Variants in FSIP1 observed in about 807,000 individuals in gnomAD.
FSIP1 encodes fibrous sheath interacting protein 1.
Under a neutral mutation model 60.9 loss-of-function variants are expected in FSIP1, and 65 were observed. The ratio of observed to expected loss-of-function variants is 1.07; its 90% confidence interval spans 0.87 to 1.31. FSIP1 has a LOEUF of 1.31. FSIP1 is among the 40% of genes most tolerant of loss of function. The pLI is 0.00. For missense variants in FSIP1, 675 were observed against 665.5 expected, an observed-to-expected ratio of 1.01 and a Z score of -0.16; for synonymous variants, 209 against 221.2, an observed-to-expected ratio of 0.94 and a Z score of 0.49.
At chr15:39,651,948 T>A (rs1204600096) in intron 10 of FSIP1, among the ~76,000 whole-genome samples, 1 of 152,198 alleles carries the variant, frequency 6.6e-6, no homozygotes, top group African/African-American at 2.4e-5. Context: ...TAAGATGAAA[T>A]TAGACAAAGC....
intron 10 of FSIP1, among the ~76,000 whole-genome samples, chr15:39,635,176 A>G (rs1449035048): frequency 1.3e-5 from 2 of 152,172 alleles, no homozygotes; most frequent in Non-Finnish European, 2.9e-5. Context: ...TCTACTAAAA[A>G]TACAAAAATT....
At chr15:39,701,039 C>G (rs1895036350) in intron 10 of FSIP1, among the ~76,000 whole-genome samples, 1 of 152,098 alleles carries the variant, frequency 6.6e-6, no homozygotes, top group South Asian at 2.1e-4. Flanking sequence ...GTAGTCCCAG[C>G]TATTTGGGGG....
chr15:39,652,455 T>C (rs1304322330), intron 10 of FSIP1, among the ~76,000 whole-genome samples: 1 of 152,234 alleles, frequency 6.6e-6, no homozygotes, highest in Non-Finnish European at 1.5e-5. Context: ...TCAACTTATA[T>C]ATATAGGACT....
In FSIP1 at chr15:39,716,812, C is replaced by CTTTTT. The variant is rs72106293; in HGVS notation, c.1051-3236_1051-3232dup. On this transcript the variant is annotated intron_variant, in intron 9 of 11. Transcript: ENST00000350221. The stretch of plus-strand genomic sequence containing the variant: ...AACCACTTTGAAAAACAGGCCATGT[C>CTTTTT]TTTTTTTTTTTTTTTTTTTTTGAGA... Among the ~76,000 whole-genome samples the CTTTTT allele has an allele frequency of 4.6e-3, 501 of 110,086 alleles. 10 individuals carry two copies. The highest frequency in any genetic ancestry group is 6.2e-3 in the Non-Finnish European group (351 of 56,836). The allele number at this position is 110,086 out of a possible 152,430, so 72.2% of individuals were successfully genotyped here. A position where few individuals can be genotyped will look rare whatever the true frequency, so the allele number is the denominator to read the frequency against.
chr15:39,660,993 T>G (rs1893274553), intron 10 of FSIP1, among the ~76,000 whole-genome samples: 1 of 152,186 alleles, frequency 6.6e-6, no homozygotes, highest in Non-Finnish European at 1.5e-5. Flanking sequence ...AACCCAGGGA[T>G]GGAGGTTTCA....
intron 11 of FSIP1, among the ~76,000 whole-genome samples, chr15:39,613,323 C>A (rs1486773040): frequency 6.6e-6 from 1 of 152,098 alleles, no homozygotes; most frequent in Non-Finnish European, 1.5e-5. Context: ...TATATGCCAA[C>A]ATATAATAAC....
chr15:39,769,627 T>A (rs1044687114), intron 3 of FSIP1, among the ~76,000 whole-genome samples: 4 of 152,194 alleles, frequency 2.6e-5, no homozygotes, highest in Non-Finnish European at 5.9e-5. Context: ...ATACTTCCCA[T>A]TTTTCCCCAC....
At chr15:39,712,963 T>C (rs1321028268) in intron 10 of FSIP1, among the ~76,000 whole-genome samples, 1 of 152,180 alleles carries the variant, frequency 6.6e-6, no homozygotes, top group Non-Finnish European at 1.5e-5. Flanking sequence ...CTACCAAATT[T>C]TTCCACGAAA....
chr15:39,715,801 T>C (rs926429404), intron 9 of FSIP1, among the ~76,000 whole-genome samples: 2 of 152,112 alleles, frequency 1.3e-5, no homozygotes, highest in African/African-American at 4.8e-5. Context: ...GCTCTCATGA[T>C]TGTGAGTGAA....
chr15:39,722,862 A>G (rs7177857), intron 9 of FSIP1, among the ~76,000 whole-genome samples: 68,335 of 151,840 alleles, frequency 0.45, 19,026 homozygotes, highest in African/African-American at 0.78. Context: ...CCCAGGAGGT[A>G]AAGGCTGCAG....
intron 10 of FSIP1, among the ~76,000 whole-genome samples, chr15:39,706,019 C>A (rs1595638122): frequency 6.9e-6 from 1 of 144,524 alleles, no homozygotes; most frequent in South Asian, 2.2e-4. Context: ...AAAAAAAAAT[C>A]TTCTAAAAGT....
At chr15:39,674,110 A>C (rs895119784) in intron 10 of FSIP1, among the ~76,000 whole-genome samples, 1 of 150,184 alleles carries the variant, frequency 6.7e-6, no homozygotes. Flanking sequence ...GCTGGAGTGC[A>C]GTGGCGCGAT....
chr15:39,657,863 AC>A (rs1279418001), intron 10 of FSIP1, among the ~76,000 whole-genome samples: 4 of 152,166 alleles, frequency 2.6e-5, no homozygotes, highest in Admixed American at 2.6e-4. Context: ...GTTACTAAAG[AC>A]TGGGATGACT....
chr15:39,643,511 G>A (rs1408400418), intron 10 of FSIP1, among the ~76,000 whole-genome samples: 2 of 152,102 alleles, frequency 1.3e-5, no homozygotes, highest in Non-Finnish European at 2.9e-5. Flanking sequence ...TCAGAGAAAA[G>A]ATAAAACAAA....
intron 10 of FSIP1, among the ~76,000 whole-genome samples, chr15:39,671,466 GTTTAA>G (rs1355795714): frequency 3.9e-5 from 6 of 152,130 alleles, no homozygotes; most frequent in African/African-American, 1.4e-4. Context: ...CTATGTTAAT[GTTTAA>G]TTTGGTTATA....
intron 10 of FSIP1, among the ~76,000 whole-genome samples, chr15:39,676,784 G>A (rs1183664480): frequency 6.6e-6 from 1 of 151,610 alleles, no homozygotes; most frequent in Admixed American, 6.5e-5. Context: ...AGCAGATGCT[G>A]GAGAATCTGT....
Position 39,675,218 on chromosome 15 carries a change from T to G in FSIP1, c.1188+38226A>C, listed in dbSNP as rs561692761. 5.9e-5 allele frequency among the ~76,000 whole-genome samples: 9 copies of G among 152,308 alleles called. 1 individual carries two copies. The South Asian group carries it at 1.9e-3, about 32-fold the overall frequency. On this transcript the variant is annotated intron_variant, in intron 10 of 11. Coordinates refer to ENST00000350221, the MANE Select transcript of FSIP1 (RefSeq NM_152597.5). Reference sequence around the variant, plus strand: ...TGGATGAACCAGATTTCTTAAATATTGCTGGTAGGAATGTAAACTGGTACA... The same window carrying G: ...TGGATGAACCAGATTTCTTAAATATGGCTGGTAGGAATGTAAACTGGTACA...
intron 5 of FSIP1, among the ~76,000 whole-genome samples, chr15:39,749,361 A>G (rs1482088254): frequency 6.6e-6 from 1 of 151,894 alleles, no homozygotes; most frequent in African/African-American, 2.4e-5. Flanking sequence ...CCAACACAAA[A>G]AAGAAAATTA....
chr15:39,647,780 C>CA (rs962070606), intron 10 of FSIP1, among the ~76,000 whole-genome samples: 1 of 151,738 alleles, frequency 6.6e-6, no homozygotes, highest in Non-Finnish European at 1.5e-5. Flanking sequence ...GTCAATTTTC[C>CA]AAAAGGTCTA....
Sources: allele counts gnomAD v4.1 joint callset (sites outside exome capture counted in the v4.1 genomes callset), GRCh38; gene constraint gnomAD v4.1.1; transcripts MANE v1.5; gene names NCBI Gene and HGNC (gene_info 2026-07-23, HGNC 2026-07-21).